Variants in RBFOX1 observed in about 807,000 individuals in gnomAD.
RBFOX1 encodes RNA binding fox-1 homolog 1.
RBFOX1 carries 8 observed loss-of-function variants against 57.7 expected under a neutral mutation model. The ratio of observed to expected loss-of-function variants is 0.14; its 90% CI spans 0.08 to 0.25. The LOEUF is 0.25. Among genes scored for constraint, RBFOX1 ranks in the 10% least tolerant of loss-of-function variants. RBFOX1 has a pLI of 1.00. For synonymous variants in RBFOX1, 326 were observed against 222.4 expected (o/e 1.47, Z -4.15); for missense variants, 611 against 548.5 (o/e 1.11, Z -1.14).
intron 14 of RBFOX1, among the ~76,000 whole-genome samples, chr16:7,685,778 C>T (rs772149214): frequency 3.9e-5 from 6 of 152,062 alleles, no homozygotes; most frequent in Non-Finnish European, 7.4e-5. Context: ...CCTCTGGGAA[C>T]CTGTGCCTTG....
intron 10 of RBFOX1, among the ~76,000 whole-genome samples, chr16:7,626,940 T>C (rs1410872344): frequency 6.6e-6 from 1 of 152,128 alleles, no homozygotes; most frequent in East Asian, 1.9e-4. Context: ...GATTTTGTAG[T>C]TCAGACGACC....
intron 3 of RBFOX1, among the ~76,000 whole-genome samples, chr16:7,000,139 A>G (rs1026037965): frequency 6.6e-6 from 1 of 151,874 alleles, no homozygotes; most frequent in Non-Finnish European, 1.5e-5. Context: ...AGTTTTCAGT[A>G]CTTACAATTA....
chr16:7,437,116 A>T (rs1251562428), intron 4 of RBFOX1, among the ~76,000 whole-genome samples: 1 of 152,124 alleles, frequency 6.6e-6, no homozygotes, highest in Non-Finnish European at 1.5e-5. Flanking sequence ...CACAGAGCAG[A>T]AGCATCACAG....
chr16:7,543,667 CTGTGTGTGTGTGTG>C (rs71150310), intron 5 of RBFOX1, among the ~76,000 whole-genome samples: 5,709 of 141,356 alleles, frequency 0.04, 132 homozygotes, highest in Non-Finnish European at 0.048. Flanking sequence ...TGGGCAGTAT[CTGTGTGTGTGTGTG>C]TGTGTGTGTG....
At chr16:6,108,510 C>G (rs2096408406) in intron 1 of RBFOX1, among the ~76,000 whole-genome samples, 1 of 152,092 alleles carries the variant, frequency 6.6e-6, no homozygotes, top group East Asian at 1.9e-4. Flanking sequence ...TCATCATTTC[C>G]TTTATTATTA....
At chr16:6,051,350 CAG>C (rs1265103101) in intron 1 of RBFOX1, among the ~76,000 whole-genome samples, 7 of 151,862 alleles carry the variant, frequency 4.6e-5, no homozygotes, top group Admixed American at 4.6e-4. Flanking sequence ...TTTTTTGAGA[CAG>C]AGTCTTGCTC....
chr16:6,089,413 T>A (rs2096138126), intron 1 of RBFOX1, among the ~76,000 whole-genome samples: 1 of 152,066 alleles, frequency 6.6e-6, no homozygotes, highest in Admixed American at 6.6e-5. Flanking sequence ...AAATATCCCA[T>A]CATTTAGGAT....
At chr16:6,559,746 T>C (rs2097155083) in intron 2 of RBFOX1, among the ~76,000 whole-genome samples, 1 of 152,102 alleles carries the variant, frequency 6.6e-6, no homozygotes, top group Non-Finnish European at 1.5e-5. Context: ...TATCTCTTTA[T>C]ATCCATATAT....
At position 6,819,725 on chromosome 16, in the gene RBFOX1, AAAAAAAT is replaced by A. The variant is rs2090913716; in HGVS notation, c.-16+165078_-16+165084del. Among the ~76,000 whole-genome samples, 6 of 141,496 alleles carry A rather than the reference AAAAAAAT, an allele frequency of 4.2e-5. 2 individuals are homozygous for A. The East Asian group carries it at 1.1e-3, about 26-fold the overall frequency. 92.8% of individuals were successfully genotyped at this position (141,496 alleles called of 152,430 possible). A position where few individuals can be genotyped will look rare whatever the true frequency, so the allele number is the denominator to read the frequency against. On this transcript the variant is annotated intron_variant, in intron 3 of 15. Coordinates refer to ENST00000550418, the MANE Select transcript of RBFOX1 (RefSeq NM_018723.4). The stretch of plus-strand genomic sequence containing the variant: ...TGACTCAAAAAAAAAAAAAAAAAAA[AAAAAAAT>A]AACAACACCAAAAGGTATATAGTAT...
At chr16:7,577,850 G>A (rs1303108159) in intron 5 of RBFOX1, among the ~76,000 whole-genome samples, 6 of 152,228 alleles carry the variant, frequency 3.9e-5, no homozygotes, top group Admixed American at 2.6e-4. Context: ...AGCCGTGATT[G>A]TGCCATGGCA....
chr16:6,167,845 T>C (rs2096929080), intron 1 of RBFOX1, among the ~76,000 whole-genome samples: 1 of 152,140 alleles, frequency 6.6e-6, no homozygotes, highest in Non-Finnish European at 1.5e-5. Flanking sequence ...CTTTGGGTGC[T>C]CCAAGCACTG....
At chr16:5,850,318 G>T (rs901730603) in intron 3 of RBFOX1, among the ~76,000 whole-genome samples, 23 of 152,192 alleles carry the variant, frequency 1.5e-4, no homozygotes, top group African/African-American at 5.5e-4. Flanking sequence ...TGACCTTCCA[G>T]AAAGAAAATG....
chr16:7,461,409 G>T (rs756084631), intron 4 of RBFOX1, among the ~76,000 whole-genome samples: 1 of 152,012 alleles, frequency 6.6e-6, no homozygotes, highest in Non-Finnish European at 1.5e-5. Context: ...CTCGTGATCC[G>T]CTCACCTTAG....
At chr16:6,396,065 C>CAAAAAA (rs1165644198) in intron 2 of RBFOX1, among the ~76,000 whole-genome samples, 6 of 61,488 alleles carry the variant, frequency 9.8e-5, no homozygotes, top group South Asian at 7.3e-4. Flanking sequence ...GACTCCTTCT[C>CAAAAAA]AAAAAAAAAA....
chr16:5,929,497 G>A (rs2152244041), intron 4 of RBFOX1, among the ~76,000 whole-genome samples: 1 of 152,268 alleles, frequency 6.6e-6, no homozygotes, highest in South Asian at 2.1e-4. Context: ...ACATTAGAGT[G>A]TCTTTGAAGA....
intron 1 of RBFOX1, among the ~76,000 whole-genome samples, chr16:6,116,096 A>G (rs1306984917): frequency 1.3e-5 from 2 of 152,230 alleles, no homozygotes; most frequent in African/African-American, 4.8e-5. Context: ...AGCCATAAAA[A>G]AGGATGAGTT....
chr16:5,534,622 C>T (rs2044622805), intron 2 of RBFOX1, among the ~76,000 whole-genome samples: 1 of 152,178 alleles, frequency 6.6e-6, no homozygotes. Flanking sequence ...CTTCTTCCAC[C>T]TGCTTTTTTT....
chr16:6,939,415 G>A (rs1347093690), intron 3 of RBFOX1, among the ~76,000 whole-genome samples: 1 of 151,308 alleles, frequency 6.6e-6, no homozygotes, highest in Non-Finnish European at 1.5e-5. Flanking sequence ...ATATATATAT[G>A]TAGCTATATA....
chr16:7,644,220 T>G (rs1220224892), intron 11 of RBFOX1, among the ~76,000 whole-genome samples: 2 of 152,128 alleles, frequency 1.3e-5, no homozygotes, highest in African/African-American at 2.4e-5. Flanking sequence ...TATACCTCCA[T>G]CTCCACCCCA....
Sources: gnomAD v4.1 joint callset for allele counts (sites outside exome capture counted in the v4.1 genomes callset) on GRCh38, gnomAD v4.1.1 for gene constraint, MANE v1.5 for transcripts, NCBI Gene and HGNC (gene_info 2026-07-23, HGNC 2026-07-21) for gene names.